Variants in ACSM4 observed in about 807,000 individuals in gnomAD.
ACSM4 encodes acyl-CoA synthetase medium chain family member 4, also known as acyl-coenzyme A synthetase ACSM4, mitochondrial.
A neutral mutation model predicts 73.0 loss-of-function variants in ACSM4; 66 were observed. The ratio of observed to expected loss-of-function variants is 0.90; its 90% CI spans 0.74 to 1.11. The LOEUF (loss-of-function observed/expected upper bound fraction) is 1.11. Among genes scored for constraint, ACSM4 ranks in the 50% least tolerant of loss-of-function variants. ACSM4 has a pLI of 0.00. For missense variants in ACSM4, 645 were observed against 714.4 expected, an observed-to-expected ratio of 0.90 and a Z score of 1.11; for synonymous variants, 222 against 254.0, an observed-to-expected ratio of 0.87 and a Z score of 1.20.
intron 2 of ACSM4, among the ~76,000 whole-genome samples, chr12:7,309,458 T>C (rs1946378351): frequency 6.6e-6 from 1 of 152,254 alleles, no homozygotes; most frequent in Non-Finnish European, 1.5e-5. Flanking sequence ...ACTTATGTGC[T>C]TCTACTGCAC....
chr12:7,319,892 T>C (rs1320031915), intron 5 of ACSM4, among the ~76,000 whole-genome samples: 1 of 152,256 alleles, frequency 6.6e-6, no homozygotes, highest in Non-Finnish European at 1.5e-5. Flanking sequence ...GTATTTTAAG[T>C]GCTATAAAAA....
In ACSM4 at chr12:7,318,305, A is replaced by T. The variant is rs987876763; in HGVS notation, c.921+123A>T. On this transcript the variant is annotated intron_variant, in intron 5 of 12. Coordinates refer to ENST00000399422, the MANE Select transcript of ACSM4 (RefSeq NM_001080454.2). The stretch of plus-strand genomic sequence containing the variant: ...GCTTTTGGAAATCATTTCTTTATAC[A>T]AAGCAAAGTCTCAAGGGCCTCAGCT... 3.5e-5 allele frequency: 46 copies of T among 1,310,356 alleles called. No homozygotes were observed. In the African/African-American group the frequency reaches 5.8e-4, roughly 16 times the overall value. The allele number at this position is 1,310,356 out of a possible 1,614,324, so 81.2% of individuals were successfully genotyped here.
chr12:7,307,056 C>T (rs1477422600), intron 2 of ACSM4, among the ~76,000 whole-genome samples: 1 of 152,126 alleles, frequency 6.6e-6, no homozygotes, highest in African/African-American at 2.4e-5. Context: ...AGTTCCAGAC[C>T]AGTCTGGCCA....
intron 8 of ACSM4, 66 bp downstream of exon 8, chr12:7,323,380 A>G (rs1591846366): frequency 3.1e-6 from 5 of 1,593,520 alleles, no homozygotes; most frequent in East Asian, 2.2e-5. Flanking sequence ...TCTGCTATTC[A>G]TTGCACAACT....
chr12:7,326,972 G>A lies in ACSM4; in HGVS notation c.1537-4G>A. 1 of 1,594,246 alleles carries A rather than the reference G, an allele frequency of 6.3e-7. No homozygotes were observed. The highest frequency in any genetic ancestry group is 8.5e-7 in the Non-Finnish European group (1 of 1,173,214). On this transcript the variant is annotated splice_region_variant and splice_polypyrimidine_tract_variant and intron_variant, in intron 11 of 12. Transcript: ENST00000399422. ...AGCAAGATAAATTAACTTTTCTGTT[G>A]CAGGTGGTGAAAGCTTTTGTTGTCT...
chr12:7,324,512 C>T lies in ACSM4; in HGVS notation c.1450C>T (p.Pro484Ser), dbSNP rs1946489174. ...VIISSGYRIG[P>S]FEVESALIEH... Reference sequence around the variant, plus strand: ...TTTCCTCTTCAGGTACCGTATTGGGCCATTTGAAGTGGAGAGTGCACTCAT... The same window carrying T: ...TTTCCTCTTCAGGTACCGTATTGGGTCATTTGAAGTGGAGAGTGCACTCAT... The change falls in exon 11 of 13, where the codon CCA (proline) becomes TCA (serine). Residue 484 changes from proline (P) to serine (S), a missense_variant. Pro to Ser is a moderately conservative substitution (Grantham distance 74). Coordinates refer to ENST00000399422, the MANE Select transcript of ACSM4 (RefSeq NM_001080454.2). The T allele has an allele frequency of 6.2e-7, 1 of 1,613,880 alleles. No individual in the cohort carries two copies. Among genetic ancestry groups the T allele is most frequent in the African/African-American group, 1.3e-5 (1 of 75,004 alleles).
At chr12:7,317,017 G>A (rs1946424867) in intron 3 of ACSM4, 120 bp from the exon 4 acceptor site, 19 of 1,243,296 alleles carry the variant, frequency 1.5e-5, no homozygotes, top group Non-Finnish European at 2.0e-5. Flanking sequence ...CTTTGGATTA[G>A]GTTCAGTTCT....
At chr12:7,324,775 G>T (rs1295990209) in intron 11 of ACSM4, among the ~76,000 whole-genome samples, 177 bp downstream of exon 11, 2 of 151,764 alleles carry the variant, frequency 1.3e-5, no homozygotes, top group African/African-American at 4.8e-5. Flanking sequence ...CCAAAGGGGT[G>T]GTATTAGAAT....
At position 7,317,591 on chromosome 12, in the gene ACSM4, A is replaced by C. The variant is rs146007165; in HGVS notation, c.764+311A>C. On this transcript the variant is annotated intron_variant, in intron 4 of 12. Transcript: ENST00000399422. ...AGAGAGGCTATCCGACCATTGTCACATTATCCTATTTTATTTTCCTCATGG... is the reference window on the plus strand; with the variant it reads ...AGAGAGGCTATCCGACCATTGTCACCTTATCCTATTTTATTTTCCTCATGG... 1.3e-3 allele frequency among the ~76,000 whole-genome samples: 204 copies of C among 152,316 alleles called. 1 individual carries two copies. Among genetic ancestry groups the C allele is most frequent in the African/African-American group, 4.6e-3 (193 of 41,576 alleles).
chr12:7,321,479 C>T (rs1030431298), intron 6 of ACSM4, among the ~76,000 whole-genome samples: 2 of 152,200 alleles, frequency 1.3e-5, no homozygotes, highest in Admixed American at 6.5e-5. Context: ...AAGTGCTATG[C>T]GAGACAGAAT....
At chr12:7,313,896 T>C (rs1946403784) in intron 3 of ACSM4, among the ~76,000 whole-genome samples, 1 of 152,150 alleles carries the variant, frequency 6.6e-6, no homozygotes, top group Admixed American at 6.5e-5. Context: ...AAATTGACCC[T>C]GTAAGCAAGG....
intron 12 of ACSM4, 68 bp downstream of exon 12, chr12:7,327,163 T>C: frequency 6.8e-7 from 1 of 1,469,684 alleles, no homozygotes; most frequent in South Asian, 1.4e-5. Context: ...AATTAGATTT[T>C]ACTGGATTTT....
At chr12:7,327,550 C>T (rs1160260726) in intron 12 of ACSM4, among the ~76,000 whole-genome samples, 1 of 152,098 alleles carries the variant, frequency 6.6e-6, no homozygotes, top group East Asian at 1.9e-4. Flanking sequence ...TTCCTGAAAC[C>T]TTCTTCAAAG....
At chr12:7,312,030 C>G (rs1483722594) in intron 3 of ACSM4, among the ~76,000 whole-genome samples, 2 of 152,172 alleles carry the variant, frequency 1.3e-5, no homozygotes, top group Non-Finnish European at 2.9e-5. Context: ...TGCATCCATG[C>G]TCATTTTTCA....
intron 11 of ACSM4, 22 bp from the exon 12 acceptor site, chr12:7,326,954 T>TAAATTAACTTTTCTGTTG (rs1946511123): frequency 3.2e-6 from 5 of 1,578,210 alleles, no homozygotes; most frequent in Non-Finnish European, 3.4e-6. Context: ...ATGAGCAAGA[T>TAAATTAACTTTTCTGTTG]AAATTAACTT....
rs1206666630 is a variant in ACSM4, at chr12:7,320,831, A to G, written c.1001+27A>G. The G allele has an allele frequency of 1.9e-6, 3 of 1,554,060 alleles. No individual in the cohort carries two copies. In the African/African-American group the frequency reaches 4.1e-5, roughly 21 times the overall value. On this transcript the variant is annotated intron_variant, in intron 6 of 12. Coordinates refer to ENST00000399422, the MANE Select transcript of ACSM4 (RefSeq NM_001080454.2). ...TACTTGGGCAGAAATCTCCATTTGA[A>G]CCACAAACAATAGCTACCATCCAGG... is the stretch of plus-strand genomic sequence containing the variant.
chr12:7,304,080 A>G lies in ACSM4; in HGVS notation c.-252A>G, dbSNP rs1282779258. ...TTCTGTAGTTAAGGGGTTTTTTTAG[A>G]CTCATCTGGTCACAGACAGAATGAA... On this transcript the variant is annotated 5_prime_UTR_variant, in exon 1 of 13. Coordinates refer to ENST00000399422, the MANE Select transcript of ACSM4 (RefSeq NM_001080454.2). Among the ~76,000 whole-genome samples the G allele has an allele frequency of 6.6e-6, 1 of 151,848 alleles. No homozygotes were observed. The highest frequency in any genetic ancestry group is 1.9e-4 in the East Asian group (1 of 5,176).
intron 2 of ACSM4, 100 bp from the exon 3 acceptor site, chr12:7,310,439 A>T: frequency 8.4e-7 from 1 of 1,185,260 alleles, no homozygotes; most frequent in Non-Finnish European, 1.2e-6. Context: ...GAGGTAGCTG[A>T]AGAATGGATT....
chr12:7,317,295 TCA>T lies in ACSM4; in HGVS notation c.764+16_764+17del. The stretch of plus-strand genomic sequence containing the variant: ...CTCTGCGGAAGGTAGGGAAGAAAAT[TCA>T]GTTTGTTTTTGGTGAACTCCCCCAA... On this transcript the variant is annotated intron_variant, in intron 4 of 12. Transcript: ENST00000399422. 6.5e-7 allele frequency: 1 copy of T among 1,543,422 alleles called. No individual in the cohort carries two copies. The highest frequency in any genetic ancestry group is 2.5e-5 in the East Asian group (1 of 40,772).
Sources: allele counts gnomAD v4.1 joint callset (sites outside exome capture counted in the v4.1 genomes callset), GRCh38; gene constraint gnomAD v4.1.1; transcripts MANE v1.5; gene names NCBI Gene and HGNC (gene_info 2026-07-23, HGNC 2026-07-21).